Variants in MEIS2 observed in about 807,000 individuals in gnomAD.
The protein encoded by MEIS2 is Meis homeobox 2.
MEIS2 carries 9 observed loss-of-function variants against 58.6 expected under a neutral mutation model. The observed-to-expected ratio is 0.15, with a 90% confidence interval of 0.09 to 0.27. The LOEUF (loss-of-function observed/expected upper bound fraction) is 0.27. Among genes scored for constraint, MEIS2 ranks in the 10% least tolerant of loss-of-function variants. MEIS2 has a pLI of 1.00. For missense variants in MEIS2, 427 were observed against 635.0 expected (o/e 0.67, Z 3.52); for synonymous variants, 221 against 228.4 (o/e 0.97, Z 0.29).
At position 37,099,745 on chromosome 15, in the gene MEIS2, C is replaced by G; in HGVS notation, c.-279G>C. On this transcript the variant is annotated 5_prime_UTR_variant, in exon 1 of 12. Transcript: ENST00000561208. ...CTCCACCTCCTCCTCCTCCCCCCTC[C>G]CCTCCTCCTCCTCTTCGGTCCTCCT... 2.5e-6 allele frequency: 1 copy of G among 393,734 alleles called. No individual in the cohort carries two copies. The highest frequency in any genetic ancestry group is 6.2e-5 in the South Asian group (1 of 16,182). 24.4% of individuals were successfully genotyped at this position (393,734 alleles called of 1,614,324 possible).
At chr15:37,078,890 C>G (rs1430615482) in intron 7 of MEIS2, among the ~76,000 whole-genome samples, 1 of 152,004 alleles carries the variant, frequency 6.6e-6, no homozygotes, top group Admixed American at 6.6e-5. Flanking sequence ...AATCCCAAAT[C>G]TGGGTTTCTC....
intron 8 of MEIS2, among the ~76,000 whole-genome samples, chr15:36,987,235 C>A (rs1802880156): frequency 6.6e-6 from 1 of 151,800 alleles, no homozygotes; most frequent in African/African-American, 2.4e-5. Flanking sequence ...TGGCAAAACC[C>A]TGTCTCTACA....
Position 37,094,558 on chromosome 15 carries a change from A to G in MEIS2, c.458T>C (p.Val153Ala). 6.2e-7 allele frequency: 1 copy of G among 1,612,882 alleles called. No homozygotes were observed. Among genetic ancestry groups the G allele is most frequent in the Non-Finnish European group, 8.5e-7 (1 of 1,179,478 alleles). ...TAACTCCAAAAGATGAAACCTTAGT[A>G]CTTGTATTGCTTGTATCATCTGAAA... ...LDNLMIQAIQ[V>A]LRFHLLELEK... is the part of the protein sequence containing the mutation. The change falls in exon 5 of 12, where the codon GTA becomes GCA. Residue 153 changes from valine (V) to alanine (A), a missense_variant. Physicochemically the swap from Val to Ala is moderately conservative, Grantham distance 64. Around this residue, in one of 6 missense-constraint regions of MEIS2, gnomAD observed 138 missense variants for 263.0 expected, o/e 0.52. Coordinates refer to ENST00000561208, the MANE Select transcript of MEIS2 (RefSeq NM_170675.5).
chr15:36,999,144 T>G (rs1423150057), intron 8 of MEIS2, among the ~76,000 whole-genome samples: 1 of 152,190 alleles, frequency 6.6e-6, no homozygotes, highest in Non-Finnish European at 1.5e-5. Flanking sequence ...GTGCTGTCTT[T>G]CATTACAAAG....
chr15:36,991,771 CTTTTTTTTTTTCTTTT>C (rs1313589870), intron 8 of MEIS2, among the ~76,000 whole-genome samples: 3 of 108,634 alleles, frequency 2.8e-5, no homozygotes, highest in South Asian at 3.1e-4. Context: ...TGTTAATTTT[CTTTTTTTTTTTCTTTT>C]TTTTTTTTTT....
rs1275520298 is a variant in MEIS2, at chr15:36,955,022, T to C, written c.901-4622A>G. Among the ~76,000 whole-genome samples the C allele has an allele frequency of 3.3e-5, 5 of 152,214 alleles. No homozygotes were observed. The East Asian group carries it at 9.6e-4, about 29-fold the overall frequency. ...GATATCATTTATTGATCTAGGACTA[T>C]GCTTACTAAAATAGGGTACAGGCAG... On this transcript the variant is annotated intron_variant, in intron 8 of 11. Coordinates refer to ENST00000561208, the MANE Select transcript of MEIS2 (RefSeq NM_170675.5).
At chr15:36,958,431 A>G (rs2059066468) in intron 8 of MEIS2, among the ~76,000 whole-genome samples, 1 of 152,172 alleles carries the variant, frequency 6.6e-6, no homozygotes, top group African/African-American at 2.4e-5. Context: ...GGATAAGGAG[A>G]AACAAAAACA....
At chr15:36,957,819 G>A (rs2059039010) in intron 8 of MEIS2, among the ~76,000 whole-genome samples, 1 of 152,178 alleles carries the variant, frequency 6.6e-6, no homozygotes, top group African/African-American at 2.4e-5. Flanking sequence ...CTGACAGAAA[G>A]GACTGGCTGT....
At chr15:36,990,469 C>T (rs776218599) in intron 8 of MEIS2, among the ~76,000 whole-genome samples, 8 of 152,008 alleles carry the variant, frequency 5.3e-5, no homozygotes, top group Non-Finnish European at 1.0e-4. Context: ...AATGGAGTCT[C>T]TTGTTCACTT....
intron 7 of MEIS2, among the ~76,000 whole-genome samples, chr15:37,053,946 T>C (rs916096354): frequency 5.3e-5 from 8 of 152,196 alleles, no homozygotes; most frequent in Non-Finnish European, 8.8e-5. Context: ...TTTTCAATTA[T>C]TGATTACCAC....
At chr15:36,927,351 G>A (rs577855572) in intron 9 of MEIS2, among the ~76,000 whole-genome samples, 1 of 152,198 alleles carries the variant, frequency 6.6e-6, no homozygotes, top group East Asian at 1.9e-4. Flanking sequence ...GAGGATCTGA[G>A]GGAGGCAGGT....
intron 9 of MEIS2, among the ~76,000 whole-genome samples, chr15:36,947,693 A>G: frequency 6.6e-6 from 1 of 151,874 alleles, no homozygotes. Flanking sequence ...AGTGGGCATT[A>G]TTTCCTAGTA....
chr15:36,969,523 A>G (rs2059462360), intron 8 of MEIS2, among the ~76,000 whole-genome samples: 1 of 152,222 alleles, frequency 6.6e-6, no homozygotes, highest in Admixed American at 6.5e-5. Context: ...TAGTTATTTA[A>G]AGGTATTGTT....
At chr15:37,037,175 A>G (rs1314530709) in intron 7 of MEIS2, among the ~76,000 whole-genome samples, 1 of 152,198 alleles carries the variant, frequency 6.6e-6, no homozygotes, top group Non-Finnish European at 1.5e-5. Flanking sequence ...ACTTGCCCAT[A>G]TCATTAATTC....
chr15:37,011,355 T>C (rs1431112293), intron 8 of MEIS2, among the ~76,000 whole-genome samples: 1 of 152,204 alleles, frequency 6.6e-6, no homozygotes, highest in African/African-American at 2.4e-5. Flanking sequence ...TCCAAGATAG[T>C]TGAAATTTTC....
intron 8 of MEIS2, among the ~76,000 whole-genome samples, chr15:37,010,413 C>A (rs2061102243): frequency 6.8e-6 from 1 of 147,180 alleles, no homozygotes; most frequent in South Asian, 2.2e-4. Context: ...GACAGGGTCT[C>A]CCTCTGTACC....
At chr15:37,053,594 A>C (rs2063016318) in intron 7 of MEIS2, among the ~76,000 whole-genome samples, 2 of 152,218 alleles carry the variant, frequency 1.3e-5, no homozygotes, top group South Asian at 4.1e-4. Context: ...ATTCTCAAGC[A>C]AATTTCCCAA....
chr15:37,021,539 T>C (rs1057316543), intron 8 of MEIS2, among the ~76,000 whole-genome samples: 1 of 152,224 alleles, frequency 6.6e-6, no homozygotes, highest in Admixed American at 6.5e-5. Flanking sequence ...AGAAAATTCA[T>C]CAAACAGAGA....
intron 7 of MEIS2, among the ~76,000 whole-genome samples, chr15:37,069,810 A>C (rs543659045): frequency 6.6e-6 from 1 of 152,146 alleles, no homozygotes; most frequent in Non-Finnish European, 1.5e-5. Context: ...GATCTAGGAC[A>C]GTGAGATGTA....
Sources: gnomAD v4.1 joint callset for allele counts (sites outside exome capture counted in the v4.1 genomes callset) on GRCh38, gnomAD v4.1.1 for gene constraint, gnomAD v4.1.1 regional missense constraint, MANE v1.5 for transcripts, NCBI Gene and HGNC (gene_info 2026-07-23, HGNC 2026-07-21) for gene names.